CEP131: variants seen among roughly 807,000 people sequenced by gnomAD.
CEP131 encodes centrosomal protein of 131 kDa.
CEP131 carries 99 observed loss-of-function variants against 136.8 expected under a neutral mutation model. The observed-to-expected ratio is 0.72, with a 90% confidence interval of 0.62 to 0.86. The LOEUF (loss-of-function observed/expected upper bound fraction) is 0.86. Ranked by LOEUF, CEP131 falls within the 40% of genes least tolerant of loss-of-function variation. The pLI, the probability that CEP131 is intolerant of heterozygous loss-of-function variation, is 0.00. For synonymous variants in CEP131, 646 were observed against 612.7 expected (o/e 1.05, Z -0.80); for missense variants, 1,459 against 1,463.0 (o/e 1.00, Z 0.04).
chr17:81,213,148 G>A (rs771160872), intron 2 of CEP131, among the ~76,000 whole-genome samples: 2 of 152,234 alleles, frequency 1.3e-5, no homozygotes, highest in Non-Finnish European at 2.9e-5. Flanking sequence ...CCACCTGAAA[G>A]TTCCCAGTGG....
intron 18 of CEP131, among the ~76,000 whole-genome samples, 174 bp downstream of exon 18, chr17:81,193,752 C>T (rs2061692323): frequency 6.6e-6 from 1 of 152,194 alleles, no homozygotes; most frequent in South Asian, 2.1e-4. Flanking sequence ...GGACACTGGC[C>T]CGGCTGAGGC....
intron 2 of CEP131, among the ~76,000 whole-genome samples, chr17:81,214,114 T>C (rs1446144144): frequency 1.4e-5 from 2 of 139,596 alleles, no homozygotes; most frequent in African/African-American, 2.9e-5. Flanking sequence ...TAGTCAGTGA[T>C]TTACCAATAA....
At position 81,191,216 on chromosome 17, in the gene CEP131, C is replaced by G. The variant is rs143205584; in HGVS notation, c.2742G>C (p.Glu914Asp). 1.3e-3 allele frequency: 2,041 copies of G among 1,612,906 alleles called. 26 individuals are homozygous for G. The African/African-American group carries it at 0.024, about 19-fold the overall frequency. The stretch of plus-strand genomic sequence containing the variant: ...ACCGGCTCTCGGCAGCCTTCTCACT[C>G]TCCTCCTTGGCCAGCGCCATGTCGG... ...LEADMALAKE[E>D]SEKAAESRIK... is the part of the protein sequence containing the mutation. Residue 914 changes from glutamate to aspartate, a missense_variant, in exon 22 of 26, where the codon GAG (glutamate) becomes GAC (aspartate). This residue lies in a region of CEP131 where 1,026 missense variants were observed against 964.2 expected (regional missense o/e 1.06). Transcript: ENST00000450824.
chr17:81,199,619 C>T, intron 9 of CEP131, 70 bp from the exon 10 acceptor site: 2 of 1,593,804 alleles, frequency 1.3e-6, no homozygotes, highest in Non-Finnish European at 1.7e-6. Flanking sequence ...CCAAGCTGCC[C>T]TGAGGCTAAG....
At chr17:81,191,863 C>T (rs999977006) in intron 21 of CEP131, among the ~76,000 whole-genome samples, 3 of 152,178 alleles carry the variant, frequency 2.0e-5, no homozygotes, top group East Asian at 1.9e-4. Flanking sequence ...GTGACGGGCA[C>T]GGTCAGCCTG....
chr17:81,199,013 G>A (rs202201406), intron 10 of CEP131, 42 bp from the exon 11 acceptor site: 39 of 1,461,622 alleles, frequency 2.7e-5, no homozygotes, highest in Middle Eastern at 2.3e-4. Context: ...GGAGCATCCC[G>A]GGGCGGGCAG....
chr17:81,207,626 A>G (rs2062036553), intron 3 of CEP131, among the ~76,000 whole-genome samples: 1 of 151,672 alleles, frequency 6.6e-6, no homozygotes, highest in Non-Finnish European at 1.5e-5. Context: ...CTGGGATTGC[A>G]GGTGTGAGCC....
At chr17:81,193,107 C>T (rs1159486168) in intron 18 of CEP131, among the ~76,000 whole-genome samples, 1 of 152,226 alleles carries the variant, frequency 6.6e-6, no homozygotes, top group East Asian at 1.9e-4. Flanking sequence ...GGCTGTGGAG[C>T]CGCGTCCAGG....
At chr17:81,212,307 G>C (rs1333530170) in intron 2 of CEP131, among the ~76,000 whole-genome samples, 1 of 136,750 alleles carries the variant, frequency 7.3e-6, no homozygotes, top group Non-Finnish European at 1.6e-5. Flanking sequence ...GGGCGACAGA[G>C]CAAGATTCCC....
intron 1 of CEP131, among the ~76,000 whole-genome samples, chr17:81,221,788 AG>A (rs1282762910): frequency 6.6e-6 from 1 of 152,206 alleles, no homozygotes; most frequent in Non-Finnish European, 1.5e-5. Flanking sequence ...CTGAACCCGT[AG>A]ATGAACGGGA....
At position 81,194,375 on chromosome 17, in the gene CEP131, G is replaced by A. The variant is rs964743921; in HGVS notation, c.2120-248C>T. 3.9e-5 allele frequency among the ~76,000 whole-genome samples: 6 copies of A among 152,128 alleles called. 1 individual carries two copies. Among genetic ancestry groups the A allele is most frequent in the African/African-American group, 7.2e-5 (3 of 41,440 alleles). The stretch of plus-strand genomic sequence containing the variant: ...TGACACTCCTGGTGCTACCACTGAC[G>A]GCTCCCAGGCACCCTGGCAGGTGTC... On this transcript the variant is annotated intron_variant, in intron 17 of 25. Coordinates refer to ENST00000450824, the MANE Select transcript of CEP131 (RefSeq NM_014984.4).
chr17:81,202,223 G>T lies in CEP131; in HGVS notation c.788+17C>A. 2.9e-6 allele frequency: 3 copies of T among 1,028,610 alleles called. No individual in the cohort carries two copies. The highest frequency in any genetic ancestry group is 1.2e-6 in the Non-Finnish European group (1 of 814,944). 63.7% of individuals were successfully genotyped at this position (1,028,610 alleles called of 1,614,324 possible). A position where few individuals can be genotyped will look rare whatever the true frequency, so the allele number is the denominator to read the frequency against. On this transcript the variant is annotated intron_variant, in intron 7 of 25. Transcript: ENST00000450824. ...TTCTAGGCTCAGGCCCCCCCCCACC[G>T]CCCCAAGATCGGTCACCTCTCAGCC...
At chr17:81,220,460 T>G (rs2062362583) in intron 1 of CEP131, among the ~76,000 whole-genome samples, 1 of 152,196 alleles carries the variant, frequency 6.6e-6, no homozygotes, top group Non-Finnish European at 1.5e-5. Flanking sequence ...AGCCCCACTG[T>G]TTTCTTCTGT....
Position 81,195,843 on chromosome 17 carries a change from G to A in CEP131, c.2008C>T (p.His670Tyr), listed in dbSNP as rs374408725. The A allele has an allele frequency of 3.7e-6, 6 of 1,604,138 alleles. No homozygotes were observed. Among genetic ancestry groups the A allele is most frequent in the Non-Finnish European group, 4.2e-6 (5 of 1,179,758 alleles). ...AGGGAGCAAAGCCTCACCAGCTCGTGCTGCGCCTGTGCCTGGGCCACACGC... is the reference window on the plus strand; with the variant it reads ...AGGGAGCAAAGCCTCACCAGCTCGTACTGCGCCTGTGCCTGGGCCACACGC... ...TERVAQAQAQ[H>Y]ELEIKKLKEL... Residue 670 changes from histidine (H) to tyrosine (Y), a missense_variant, in exon 16 of 26, where the codon CAC becomes TAC. Around this residue, in one of 3 missense-constraint regions of CEP131, gnomAD observed 1,026 missense variants for 964.2 expected, o/e 1.06. Transcript: ENST00000450824.
intron 11 of CEP131, 56 bp from the exon 12 acceptor site, chr17:81,198,353 C>T: frequency 6.7e-7 from 1 of 1,494,946 alleles, no homozygotes. Context: ...GAGAGCAGCC[C>T]CCACATAGGA....
Position 81,193,985 on chromosome 17 carries a change from C to T in CEP131, c.2262G>A (p.Glu754=). The change falls in exon 18 of 26, where the codon GAG becomes GAA. Residue 754 remains glutamate (E), a synonymous_variant. Transcript: ENST00000450824. ...RCLRQAEELR[E]QLEREKEALG... The stretch of plus-strand genomic sequence containing the variant: ...GCGCCTCCTTCTCCCGCTCCAGCTG[C>T]TCCCGCAGCTCCTCGGCCTGGCGCA... 6.5e-7 allele frequency: 1 copy of T among 1,549,242 alleles called. No homozygotes were observed. Among genetic ancestry groups the T allele is most frequent in the Non-Finnish European group, 8.7e-7 (1 of 1,147,834 alleles).
chr17:81,194,025 G>T lies in CEP131; in HGVS notation c.2222C>A (p.Ala741Asp). The change falls in exon 18 of 26, where the codon GCC becomes GAC. Residue 741 changes from alanine to aspartate, a missense_variant. Ala to Asp is a moderately radical substitution (Grantham distance 126, BLOSUM62 -2). Around this residue, in one of 3 missense-constraint regions of CEP131, gnomAD observed 1,026 missense variants for 964.2 expected, o/e 1.06. Transcript: ENST00000450824. ...EAELLQSDER[A>D]SQRCLRQAEE... Reference sequence around the variant, plus strand: ...GGCCTGGCGCAGGCAGCGCTGCGAGGCCCGCTCATCCGACTGCAGCAGCTC... The same window carrying T: ...GGCCTGGCGCAGGCAGCGCTGCGAGTCCCGCTCATCCGACTGCAGCAGCTC... The T allele has an allele frequency of 6.4e-7, 1 of 1,574,714 alleles. No individual in the cohort carries two copies. The highest frequency in any genetic ancestry group is 1.8e-5 in the Admixed American group (1 of 55,054).
rs1012965177 is a variant in CEP131, at chr17:81,199,409, G to A, written c.1164C>T (p.Ala388=). ...QELSPTPGGT[A]HQALKANNTG... is the part of the protein sequence containing the mutation. ...TATTGTTGGCCTTGAGGGCCTGGTG[G>A]GCAGTGCCGCCTGGTGTGGGGGACA... Residue 388 remains alanine (A), a synonymous_variant, in exon 10 of 26, where the codon GCC becomes GCT. Transcript: ENST00000450824. 1.2e-6 allele frequency: 2 copies of A among 1,605,716 alleles called. No homozygotes were observed. The highest frequency in any genetic ancestry group is 1.7e-6 in the Non-Finnish European group (2 of 1,177,424).
Position 81,212,932 on chromosome 17 carries a change from C to A in CEP131, c.178-3910G>T, listed in dbSNP as rs539438005. On this transcript the variant is annotated intron_variant, in intron 2 of 25. Coordinates refer to ENST00000450824, the MANE Select transcript of CEP131 (RefSeq NM_014984.4). The stretch of plus-strand genomic sequence containing the variant: ...TGTTGGCTGAGAAGACCAGAAACAG[C>A]CCAGTAGGGACAAGCACACCCAGCT... Among the ~76,000 whole-genome samples the A allele has an allele frequency of 1.6e-4, 25 of 152,276 alleles. 1 individual carries two copies. The highest frequency in any genetic ancestry group is 5.8e-4 in the African/African-American group (24 of 41,540).
Sources: allele counts gnomAD v4.1 joint callset (sites outside exome capture counted in the v4.1 genomes callset), GRCh38; gene constraint gnomAD v4.1.1; regional missense constraint gnomAD v4.1.1; transcripts MANE v1.5; gene names NCBI Gene and HGNC (gene_info 2026-07-23, HGNC 2026-07-21).